MXI1: variants seen among roughly 807,000 people sequenced by gnomAD.
MXI1 encodes the protein MAX interactor 1, dimerization protein, also known as max-interacting protein 1.
Under a neutral mutation model 36.9 loss-of-function variants are expected in MXI1, and 18 were observed. The ratio of observed to expected loss-of-function variants is 0.49; its 90% confidence interval spans 0.34 to 0.72. MXI1 has a LOEUF of 0.72. Among genes scored for constraint, MXI1 ranks in the 30% least tolerant of loss-of-function variants. MXI1 has a pLI of 0.01. For missense variants in MXI1, 304 were observed against 379.1 expected, an observed-to-expected ratio of 0.80 and a Z score of 1.64; for synonymous variants, 160 against 146.7, an observed-to-expected ratio of 1.09 and a Z score of -0.65.
At chr10:110,225,750 AGAAGC>A (rs1854938743) in intron 1 of MXI1, among the ~76,000 whole-genome samples, 1 of 152,182 alleles carries the variant, frequency 6.6e-6, no homozygotes, top group South Asian at 2.1e-4. Context: ...CTTCCCTCCC[AGAAGC>A]AAAGTCCCGC....
At chr10:110,208,737 G>GCCCC (rs1267505658) in intron 1 of MXI1, 1 of 105,788 alleles carries the variant, frequency 9.5e-6, no homozygotes, top group Non-Finnish European at 1.7e-5. Flanking sequence ...GGGTGCCACC[G>GCCCC]CCGCCCCCCC....
chr10:110,230,707 G>C lies in MXI1; in HGVS notation c.407+2386G>C, dbSNP rs79657816. On this transcript the variant is annotated intron_variant, in intron 2 of 5. Coordinates refer to ENST00000332674, the MANE Select transcript of MXI1 (RefSeq NM_130439.3). ...AATACTGGGGTATTTGGACAATAGTGTTGGTCCATTTGAAAGAGGACACTG... is the reference window on the plus strand; with the variant it reads ...AATACTGGGGTATTTGGACAATAGTCTTGGTCCATTTGAAAGAGGACACTG... Among the ~76,000 whole-genome samples the C allele has an allele frequency of 7.7e-3, 1,179 of 152,294 alleles. 13 individuals are homozygous for C. The highest frequency in any genetic ancestry group is 0.027 in the African/African-American group (1,126 of 41,556).
At chr10:110,260,889 G>A in intron 3 of MXI1, 1 of 492,322 alleles carries the variant, frequency 2.0e-6, no homozygotes, top group East Asian at 1.5e-4. Flanking sequence ...GCATTATTGT[G>A]TTATAACTTC....
At chr10:110,235,106 T>C (rs1855410347) in intron 2 of MXI1, among the ~76,000 whole-genome samples, 1 of 152,208 alleles carries the variant, frequency 6.6e-6, no homozygotes, top group Non-Finnish European at 1.5e-5. Context: ...CAGCTTCTTC[T>C]GTTGTTTGCT....
chr10:110,226,470 A>G (rs941848663), intron 1 of MXI1: 2 of 25,866 alleles, frequency 7.7e-5, no homozygotes, highest in Admixed American at 1.1e-3. Flanking sequence ...GCGTGTGGGG[A>G]GGGGAGCGCG....
intron 3 of MXI1, among the ~76,000 whole-genome samples, chr10:110,249,550 G>C (rs537347335): frequency 2.7e-5 from 4 of 148,374 alleles, no homozygotes; most frequent in South Asian, 4.3e-4. Context: ...CTGCATTCCA[G>C]CCTCGGTGAC....
chr10:110,211,438 T>C (rs1421316548), intron 1 of MXI1, among the ~76,000 whole-genome samples: 1 of 152,334 alleles, frequency 6.6e-6, no homozygotes, highest in East Asian at 1.9e-4. Flanking sequence ...GACGCTCTTC[T>C]GTCCGGAGAT....
At chr10:110,274,687 A>C (rs541205383) in intron 3 of MXI1, among the ~76,000 whole-genome samples, 2 of 152,092 alleles carry the variant, frequency 1.3e-5, no homozygotes, top group Non-Finnish European at 2.9e-5. Flanking sequence ...CTGTTTGTCT[A>C]ATGTTCATCA....
intron 1 of MXI1, chr10:110,225,920 G>T (rs1854948165): frequency 1.3e-6 from 1 of 777,542 alleles, no homozygotes; most frequent in African/African-American, 1.9e-5. Context: ...ACATTTCCCA[G>T]GGGGCAGAGG....
intron 5 of MXI1, among the ~76,000 whole-genome samples, chr10:110,283,554 CTTTT>C (rs34296187): frequency 1.4e-5 from 2 of 146,244 alleles, no homozygotes; most frequent in African/African-American, 2.5e-5. Flanking sequence ...GCTGAATCCA[CTTTT>C]TTTTTTTTTT....
chr10:110,235,236 G>A (rs1438675591), intron 2 of MXI1, among the ~76,000 whole-genome samples: 3 of 152,108 alleles, frequency 2.0e-5, no homozygotes, highest in Non-Finnish European at 4.4e-5. Flanking sequence ...GTACATGAGA[G>A]CAAATATTCT....
At chr10:110,281,102 T>C (rs553833864) in intron 5 of MXI1, among the ~76,000 whole-genome samples, 8 of 152,244 alleles carry the variant, frequency 5.3e-5, no homozygotes, top group African/African-American at 1.9e-4. Flanking sequence ...TTTTTGACTT[T>C]TTTAAGTGGA....
At chr10:110,277,718 A>G (rs1191879741) in intron 3 of MXI1, among the ~76,000 whole-genome samples, 2 of 152,242 alleles carry the variant, frequency 1.3e-5, no homozygotes, top group Non-Finnish European at 2.9e-5. Flanking sequence ...AACTCAATAA[A>G]GAAATTTGAA....
At chr10:110,251,942 A>G (rs1856107343) in intron 3 of MXI1, among the ~76,000 whole-genome samples, 1 of 152,168 alleles carries the variant, frequency 6.6e-6, no homozygotes, top group Non-Finnish European at 1.5e-5. Flanking sequence ...CTGAATGCCA[A>G]GTAATTTGGA....
intron 1 of MXI1, 92 bp downstream of exon 1, chr10:110,208,174 C>CT: frequency 7.4e-7 from 1 of 1,351,008 alleles, no homozygotes; most frequent in East Asian, 3.0e-5. Flanking sequence ...GCCCGTCCCC[C>CT]CCCCGCCCAA....
intron 2 of MXI1, among the ~76,000 whole-genome samples, chr10:110,230,818 T>G (rs2134361367): frequency 6.6e-6 from 1 of 152,326 alleles, no homozygotes; most frequent in African/African-American, 2.4e-5. Flanking sequence ...GTTAGAAGAC[T>G]TACAGAAATT....
At chr10:110,211,054 G>T (rs1288218930) in intron 1 of MXI1, among the ~76,000 whole-genome samples, 1 of 150,612 alleles carries the variant, frequency 6.6e-6, no homozygotes, top group African/African-American at 2.5e-5. Flanking sequence ...GGTGGGGTTG[G>T]GTAGTTTGTT....
chr10:110,247,580 G>A (rs1280263815), intron 3 of MXI1, among the ~76,000 whole-genome samples: 18 of 152,136 alleles, frequency 1.2e-4, no homozygotes, highest in South Asian at 4.1e-4. Context: ...GTAAGGAAGG[G>A]ATCCAGTTTC....
In MXI1 at chr10:110,285,777, G is replaced by A. The variant is rs1451910843; in HGVS notation, c.*790G>A. 1 of 152,410 alleles carries A rather than the reference G, an allele frequency of 6.6e-6. No homozygotes were observed. The highest frequency in any genetic ancestry group is 6.5e-5 in the Admixed American group (1 of 15,268). The allele number at this position is 152,410 out of a possible 1,614,324, so 9.4% of individuals were successfully genotyped here. ...CAAGGCCTATGAGTATGGATTGGGG[G>A]GGCCAAAAGGAAAAAGCTCCATGTG... is the stretch of plus-strand genomic sequence containing the variant. On this transcript the variant is annotated 3_prime_UTR_variant, in exon 6 of 6. Coordinates refer to ENST00000332674, the MANE Select transcript of MXI1 (RefSeq NM_130439.3).
Sources: gnomAD v4.1 joint callset for allele counts (sites outside exome capture counted in the v4.1 genomes callset) on GRCh38, gnomAD v4.1.1 for gene constraint, MANE v1.5 for transcripts, NCBI Gene and HGNC (gene_info 2026-07-23, HGNC 2026-07-21) for gene names.